IL1RAPL2: variants seen among roughly 807,000 people sequenced by gnomAD.
The protein encoded by IL1RAPL2 is interleukin 1 receptor accessory protein like 2.
Under a neutral mutation model 44.1 loss-of-function variants are expected in IL1RAPL2, and 3 were observed. The observed-to-expected ratio is 0.07, with a 90% CI of 0.03 to 0.18. IL1RAPL2 has a LOEUF of 0.18. Among genes scored for constraint, IL1RAPL2 ranks in the 10% least tolerant of loss-of-function variants. IL1RAPL2 has a pLI of 1.00. For synonymous variants in IL1RAPL2, 181 were observed against 178.8 expected, an observed-to-expected ratio of 1.01 and a Z score of -0.10; for missense variants, 391 against 496.4, an observed-to-expected ratio of 0.79 and a Z score of 2.02.
At chrX:105,001,249 C>A (rs1165430621) in intron 2 of IL1RAPL2, among the ~76,000 whole-genome samples, 2 of 111,273 alleles carry the variant, frequency 1.8e-5, no homozygotes, top group Non-Finnish European at 3.8e-5. Context: ...AATGTTGGAT[C>A]TTCTTGATGC....
intron 1 of IL1RAPL2, among the ~76,000 whole-genome samples, chrX:104,623,088 A>T (rs1355718713): frequency 9.0e-6 from 1 of 110,881 alleles, no homozygotes; most frequent in Non-Finnish European, 1.9e-5. Flanking sequence ...AATGTCTAGA[A>T]ACTGCCTTTA....
intron 2 of IL1RAPL2, among the ~76,000 whole-genome samples, chrX:104,938,498 C>T (rs1490157245): frequency 9.0e-6 from 1 of 111,322 alleles, no homozygotes; most frequent in Non-Finnish European, 1.9e-5. Flanking sequence ...CAAATATCTT[C>T]AATATTATGA....
intron 5 of IL1RAPL2, among the ~76,000 whole-genome samples, chrX:105,336,085 AACTG>A (rs1183965546): frequency 2.7e-5 from 3 of 112,106 alleles, no homozygotes; most frequent in Non-Finnish European, 5.6e-5. Flanking sequence ...GACTGACTGA[AACTG>A]ACTGAGTTAA....
At chrX:104,585,296 ATAT>A (rs1928508293) in intron 1 of IL1RAPL2, among the ~76,000 whole-genome samples, 1 of 23,230 alleles carries the variant, frequency 4.3e-5, no homozygotes, top group Non-Finnish European at 6.0e-5. Flanking sequence ...AATATATTAT[ATAT>A]TATATATTAT....
intron 6 of IL1RAPL2, among the ~76,000 whole-genome samples, chrX:105,632,220 C>T (rs2037496608): frequency 9.0e-6 from 1 of 111,485 alleles, no homozygotes; most frequent in East Asian, 2.9e-4. Flanking sequence ...CTGCAACATG[C>T]TTTTATATTC....
In IL1RAPL2 at chrX:104,930,634, T is replaced by G. The variant is rs991587767; in HGVS notation, c.83-264841T>G. Among the ~76,000 whole-genome samples, 5 of 111,632 alleles carry G rather than the reference T, an allele frequency of 4.5e-5. No individual in the cohort carries two copies. In the East Asian group the frequency reaches 1.4e-3, roughly 31 times the overall value. On this transcript the variant is annotated intron_variant, in intron 2 of 10. Coordinates refer to ENST00000372582, the MANE Select transcript of IL1RAPL2 (RefSeq NM_017416.2). ...AACAAATAAGTGTTAGAATAGGCAT[T>G]TGAATTTAGGCAGTATAACCTCAGA...
chrX:105,690,457 A>G (rs952234863), intron 6 of IL1RAPL2, among the ~76,000 whole-genome samples: 1 of 111,294 alleles, frequency 9.0e-6, no homozygotes, highest in African/African-American at 3.3e-5. Flanking sequence ...AATCTGTACA[A>G]CTTTAGGAAG....
rs149554160 is a variant in IL1RAPL2 at position 104,805,587 on chromosome X, C to T, written c.82+146592C>T. ...ATGTTTGTTTTTCTGAAATGTGTGT[C>T]ATGTCACCTCTCTGCACTGAATAAA... is the stretch of plus-strand genomic sequence containing the variant. On this transcript the variant is annotated intron_variant, in intron 2 of 10. Transcript: ENST00000372582. Among the ~76,000 whole-genome samples, 30 of 111,848 alleles carry T rather than the reference C, an allele frequency of 2.7e-4. 1 individual carries two copies. In the East Asian group the frequency reaches 7.3e-3, roughly 27 times the overall value.
intron 5 of IL1RAPL2, among the ~76,000 whole-genome samples, chrX:105,287,006 A>G (rs923443939): frequency 3.6e-5 from 4 of 112,236 alleles, no homozygotes; most frequent in Admixed American, 9.5e-5. Flanking sequence ...CTGGGAATGA[A>G]GTGGTAAAGA....
intron 6 of IL1RAPL2, among the ~76,000 whole-genome samples, chrX:105,580,302 T>C (rs1021841507): frequency 1.8e-5 from 2 of 110,488 alleles, no homozygotes; most frequent in African/African-American, 6.6e-5. Flanking sequence ...AGGCCGTGTT[T>C]ATGCCTTGGT....
intron 2 of IL1RAPL2, among the ~76,000 whole-genome samples, chrX:104,875,079 T>G (rs1922867718): frequency 1.8e-5 from 2 of 111,810 alleles, no homozygotes; most frequent in African/African-American, 6.5e-5. Flanking sequence ...GAAGAGGTTT[T>G]CTAACTTTGT....
chrX:105,193,800 A>G (rs578185281), intron 2 of IL1RAPL2, among the ~76,000 whole-genome samples: 1 of 112,148 alleles, frequency 8.9e-6, no homozygotes, highest in East Asian at 2.8e-4. Context: ...CATACCTCTG[A>G]ATCCTCGAAG....
At chrX:104,805,628 C>T (rs769835918) in intron 2 of IL1RAPL2, among the ~76,000 whole-genome samples, 49 of 111,980 alleles carry the variant, frequency 4.4e-4, no homozygotes, top group Non-Finnish European at 7.0e-4. Flanking sequence ...CTCTAAAGTT[C>T]TTATAGCACT....
intron 2 of IL1RAPL2, among the ~76,000 whole-genome samples, chrX:104,973,739 TATC>T (rs1482934284): frequency 8.9e-6 from 1 of 111,955 alleles, no homozygotes; most frequent in Non-Finnish European, 1.9e-5. Flanking sequence ...TCGTGAACCT[TATC>T]ATAATTTACA....
chrX:105,430,619 G>A (rs1198409309), intron 5 of IL1RAPL2, among the ~76,000 whole-genome samples: 1 of 111,067 alleles, frequency 9.0e-6, no homozygotes, highest in Non-Finnish European at 1.9e-5. Flanking sequence ...GTTATACCCT[G>A]AGATCATTCG....
chrX:104,637,152 TTGC>T (rs1421272490), intron 1 of IL1RAPL2, among the ~76,000 whole-genome samples: 2 of 110,583 alleles, frequency 1.8e-5, no homozygotes, highest in Non-Finnish European at 3.8e-5. Flanking sequence ...TATAGAAACA[TTGC>T]TGATTTTTGT....
intron 2 of IL1RAPL2, among the ~76,000 whole-genome samples, chrX:104,746,761 T>C (rs1049377298): frequency 9.0e-6 from 1 of 111,693 alleles, no homozygotes; most frequent in Non-Finnish European, 1.9e-5. Flanking sequence ...CCCATTCCTG[T>C]TTATTTTCAG....
At chrX:104,577,225 G>C (rs1471455000) in intron 1 of IL1RAPL2, among the ~76,000 whole-genome samples, 1 of 112,291 alleles carries the variant, frequency 8.9e-6, no homozygotes, top group Non-Finnish European at 1.9e-5. Flanking sequence ...GGAAGTAGCA[G>C]TAGTTGGGAA....
chrX:105,028,153 TAGA>T (rs2031409150), intron 2 of IL1RAPL2, among the ~76,000 whole-genome samples: 1 of 110,450 alleles, frequency 9.1e-6, no homozygotes, highest in Admixed American at 9.7e-5. Flanking sequence ...ACATAGAGAG[TAGA>T]AGTACGGTTA....
Sources: allele counts gnomAD v4.1 joint callset (sites outside exome capture counted in the v4.1 genomes callset), GRCh38; gene constraint gnomAD v4.1.1; transcripts MANE v1.5; gene names NCBI Gene and HGNC (gene_info 2026-07-23, HGNC 2026-07-21).